The following HDAC9 variants were observed in gnomAD, a reference collection of about 807,000 sequenced individuals.
HDAC9 encodes the protein MEF-2 interacting transcription repressor (MITR) protein.
Under a neutral mutation model 139.4 loss-of-function variants are expected in HDAC9, and 41 were observed. The ratio of observed to expected loss-of-function variants is 0.29; its 90% confidence interval spans 0.23 to 0.38. The LOEUF (loss-of-function observed/expected upper bound fraction) is 0.38, where lower values mean the gene tolerates loss of function less well. Ranked by LOEUF, HDAC9 falls within the 10% of genes least tolerant of loss-of-function variation. HDAC9 has a pLI of 1.00. For missense variants in HDAC9, 1,147 were observed against 1,297.0 expected, an observed-to-expected ratio of 0.88 and a Z score of 1.78; for synonymous variants, 517 against 476.2, an observed-to-expected ratio of 1.09 and a Z score of -1.12.
Position 18,835,525 on chromosome 7 carries a change from A to T in HDAC9, c.2525A>T (p.Tyr842Phe), listed in dbSNP as rs767984860. ...QAFYADPSIL[Y>F]ISLHRYDEGN... ...TTTTATGCTGACCCCAGCATCCTGTACATTTCACTCCATCGCTATGATGAA... is the reference window on the plus strand; with the variant it reads ...TTTTATGCTGACCCCAGCATCCTGTTCATTTCACTCCATCGCTATGATGAA... Residue 842 changes from tyrosine to phenylalanine, a missense_variant, in exon 20 of 26, where the codon TAC becomes TTC. This residue lies in a region of HDAC9 where 407 missense variants were observed against 521.5 expected (regional missense o/e 0.78). Transcript: ENST00000686413. 1.2e-6 allele frequency: 2 copies of T among 1,613,744 alleles called. No homozygotes were observed.
intron 17 of HDAC9, among the ~76,000 whole-genome samples, chr7:18,801,916 A>G (rs988761205): frequency 1.3e-5 from 2 of 151,956 alleles, no homozygotes; most frequent in African/African-American, 4.8e-5. Context: ...CTTTAGCAAT[A>G]TATCTTTTTC....
chr7:18,427,121 A>G (rs1292054482), intron 1 of HDAC9, among the ~76,000 whole-genome samples: 2 of 152,154 alleles, frequency 1.3e-5, no homozygotes, highest in Admixed American at 1.3e-4. Context: ...GAGAGTAACA[A>G]CCAATTGTTG....
chr7:18,970,194 CATAAGA>C (rs1316626317), intron 24 of HDAC9, among the ~76,000 whole-genome samples: 1 of 152,086 alleles, frequency 6.6e-6, no homozygotes, highest in Admixed American at 6.5e-5. Flanking sequence ...ATACATTTTT[CATAAGA>C]ATATCAGTAT....
chr7:18,679,735 G>A (rs956914092), intron 12 of HDAC9, among the ~76,000 whole-genome samples: 1 of 151,652 alleles, frequency 6.6e-6, no homozygotes. Flanking sequence ...TTTAATTCCA[G>A]TATGAAGCAT....
At chr7:18,897,552 ATATC>A (rs1384740894) in intron 22 of HDAC9, among the ~76,000 whole-genome samples, 4 of 151,888 alleles carry the variant, frequency 2.6e-5, no homozygotes, top group Non-Finnish European at 5.9e-5. Context: ...TTTCTGCAGA[ATATC>A]TAATAATCAT....
At chr7:18,654,072 A>G (rs761668538) in intron 11 of HDAC9, among the ~76,000 whole-genome samples, 17 of 152,162 alleles carry the variant, frequency 1.1e-4, no homozygotes, top group Non-Finnish European at 1.8e-4. Flanking sequence ...TGAAAAAAGT[A>G]TAAGTTTTGA....
intron 2 of HDAC9, among the ~76,000 whole-genome samples, chr7:18,180,631 G>T (rs1030212609): frequency 6.6e-6 from 1 of 152,120 alleles, no homozygotes; most frequent in African/African-American, 2.4e-5. Context: ...ATACCTGTTG[G>T]AAACCCCAAT....
chr7:18,687,280 G>A (rs902543917), intron 12 of HDAC9, among the ~76,000 whole-genome samples: 7 of 151,788 alleles, frequency 4.6e-5, no homozygotes, highest in African/African-American at 1.7e-4. Flanking sequence ...ACCGATTTAA[G>A]TAGGTACCAT....
chr7:18,524,134 G>A (rs559316464), intron 2 of HDAC9, among the ~76,000 whole-genome samples: 2 of 151,554 alleles, frequency 1.3e-5, no homozygotes, highest in South Asian at 4.2e-4. Flanking sequence ...AAGGTATATA[G>A]AGATTGGGCC....
intron 23 of HDAC9, among the ~76,000 whole-genome samples, chr7:18,944,274 A>G (rs1782218832): frequency 6.6e-6 from 1 of 152,156 alleles, no homozygotes; most frequent in Non-Finnish European, 1.5e-5. Context: ...ACGTTCCACA[A>G]TATCTTTGAC....
At chr7:18,494,646 C>T (rs964734762), upstream of HDAC9, among the ~76,000 whole-genome samples, 6 of 152,124 alleles carry the variant, frequency 3.9e-5, no homozygotes, top group East Asian at 1.2e-3. Context: ...AACTCTGATA[C>T]TATCTACTGT....
chr7:18,381,782 T>A (rs918987206), intron 1 of HDAC9, among the ~76,000 whole-genome samples: 1 of 152,134 alleles, frequency 6.6e-6, no homozygotes, highest in Non-Finnish European at 1.5e-5. Context: ...AAATACATGC[T>A]GACAAGAGAG....
At chr7:18,552,809 T>C (rs1817573478) in intron 2 of HDAC9, among the ~76,000 whole-genome samples, 1 of 152,174 alleles carries the variant, frequency 6.6e-6, no homozygotes, top group African/African-American at 2.4e-5. Flanking sequence ...CAACACTGAC[T>C]CTAGAGGTAA....
chr7:18,337,097 G>C (rs898848233), intron 1 of HDAC9, among the ~76,000 whole-genome samples: 1 of 151,564 alleles, frequency 6.6e-6, no homozygotes, highest in African/African-American at 2.4e-5. Context: ...AAAAATTGCA[G>C]TCATTTGGAG....
At chr7:18,621,197 G>C (rs573261485) in intron 6 of HDAC9, among the ~76,000 whole-genome samples, 1 of 151,450 alleles carries the variant, frequency 6.6e-6, no homozygotes, top group Non-Finnish European at 1.5e-5. Context: ...GTAATTACCT[G>C]GGAAAAGACC....
At chr7:18,150,786 T>A (rs912947608) in intron 1 of HDAC9, among the ~76,000 whole-genome samples, 1 of 152,230 alleles carries the variant, frequency 6.6e-6, no homozygotes. Context: ...GAGATAAAAT[T>A]AAGTGCATCT....
At chr7:18,809,957 C>G in intron 17 of HDAC9, among the ~76,000 whole-genome samples, 1 of 151,852 alleles carries the variant, frequency 6.6e-6, no homozygotes, top group Non-Finnish European at 1.5e-5. Flanking sequence ...AGGCAAGATA[C>G]GGAAAAAACC....
At chr7:18,610,239 G>A (rs1344188886) in intron 6 of HDAC9, among the ~76,000 whole-genome samples, 1 of 152,158 alleles carries the variant, frequency 6.6e-6, no homozygotes, top group Admixed American at 6.5e-5. Flanking sequence ...TTTAAAAAGT[G>A]GGAGGTGTTT....
intron 1 of HDAC9, among the ~76,000 whole-genome samples, chr7:18,422,479 C>T (rs1371276911): frequency 6.6e-6 from 1 of 152,118 alleles, no homozygotes; most frequent in Non-Finnish European, 1.5e-5. Context: ...GCAGAAAATC[C>T]TAATCTATTC....
Sources: allele counts gnomAD v4.1 joint callset (sites outside exome capture counted in the v4.1 genomes callset), GRCh38; gene constraint gnomAD v4.1.1; regional missense constraint gnomAD v4.1.1; transcripts MANE v1.5; gene names NCBI Gene and HGNC (gene_info 2026-07-23, HGNC 2026-07-21).